The following CARF variants were observed in gnomAD, a reference collection of about 807,000 sequenced individuals.
CARF encodes calcium responsive transcription factor.
CARF carries 57 observed loss-of-function variants against 82.0 expected under a neutral mutation model. The ratio of observed to expected loss-of-function variants is 0.70; its 90% CI spans 0.56 to 0.87. The LOEUF is 0.87. CARF is among the 40% of genes least tolerant of loss of function. The probability of loss-of-function intolerance (pLI) is 0.00; values close to 1 mark genes in which losing one functional copy is unlikely to be tolerated. For synonymous variants in CARF, 268 were observed against 290.1 expected (o/e 0.92, Z 0.77); for missense variants, 771 against 855.8 (o/e 0.90, Z 1.24).
Position 202,974,415 on chromosome 2 carries a change from T to C in CARF, c.1413T>C (p.Asp471=), listed in dbSNP as rs1019590227. Residue 471 remains aspartate (D), a synonymous_variant, in exon 13 of 17, where the codon GAT becomes GAC. Coordinates refer to ENST00000438828, the MANE Select transcript of CARF (RefSeq NM_024744.17). The stretch of plus-strand genomic sequence containing the variant: ...TATCTTTTTTTCCAACTGTAAATGA[T>C]ATAAAAAATCACATCCATGAGGTAC... ...HNLSFFPTVN[D]IKNHIHEVQK... 9 of 1,611,306 alleles carry C rather than the reference T, an allele frequency of 5.6e-6. No individual in the cohort carries two copies. In the Admixed American group the frequency reaches 8.4e-5, roughly 15 times the overall value.
At chr2:202,973,998 G>C (rs2059923300) in intron 12 of CARF, among the ~76,000 whole-genome samples, 1 of 152,124 alleles carries the variant, frequency 6.6e-6, no homozygotes, top group African/African-American at 2.4e-5. Flanking sequence ...TGAGGCAGGA[G>C]AATCGCTTGA....
chr2:202,924,188 A>G (rs760129902), intron 2 of CARF, 109 bp from the exon 3 acceptor site: 24 of 152,236 alleles, frequency 1.6e-4, no homozygotes, highest in Non-Finnish European at 2.8e-4. Context: ...TTTGTCAGCT[A>G]CATGTTTTGC....
chr2:202,975,416 C>G (rs956572344), intron 13 of CARF, among the ~76,000 whole-genome samples: 2 of 151,958 alleles, frequency 1.3e-5, no homozygotes, highest in South Asian at 4.1e-4. Flanking sequence ...TGCACTCCAG[C>G]CTGGGCAACA....
rs1308254227 is a variant in CARF at position 202,952,808 on chromosome 2, G to GA, written c.427+133dup. 3 of 899,734 alleles carry GA rather than the reference G, an allele frequency of 3.3e-6. No individual in the cohort carries two copies. The East Asian group carries it at 8.4e-5, about 25-fold the overall frequency. 55.7% of individuals were successfully genotyped at this position (899,734 alleles called of 1,614,324 possible). ...TAAAAGATTATGAATTAAATAATTA[G>GA]AAAACAGCTCTTTGCCCAAATAAAT... On this transcript the variant is annotated intron_variant, in intron 6 of 16. Coordinates refer to ENST00000438828, the MANE Select transcript of CARF (RefSeq NM_024744.17).
At chr2:202,979,976 G>A (rs2060182113) in intron 14 of CARF, among the ~76,000 whole-genome samples, 1 of 152,016 alleles carries the variant, frequency 6.6e-6, no homozygotes, top group South Asian at 2.1e-4. Context: ...TTTCTGTTTT[G>A]AGACAGGGTT....
chr2:202,980,077 C>G (rs901275080), intron 14 of CARF, among the ~76,000 whole-genome samples: 1 of 152,124 alleles, frequency 6.6e-6, no homozygotes, highest in African/African-American at 2.4e-5. Context: ...CCCACCTTAG[C>G]CCCCCAAGTA....
At chr2:202,940,465 G>C (rs1182404728) in intron 3 of CARF, among the ~76,000 whole-genome samples, 1 of 152,110 alleles carries the variant, frequency 6.6e-6, no homozygotes, top group Non-Finnish European at 1.5e-5. Context: ...GGGGCTGTCT[G>C]AATCTGGTGA....
intron 5 of CARF, 99 bp from the exon 6 acceptor site, chr2:202,952,460 A>G: frequency 1.8e-6 from 2 of 1,105,208 alleles, no homozygotes; most frequent in East Asian, 2.7e-5. Flanking sequence ...AGAATCCATC[A>G]TAGAGCTAGG....
At position 202,987,487 on chromosome 2, in the gene CARF, T is replaced by C. The variant is rs2060485406; in HGVS notation, c.*3863T>C. On this transcript the variant is annotated 3_prime_UTR_variant, in exon 17 of 17. Coordinates refer to ENST00000438828, the MANE Select transcript of CARF (RefSeq NM_024744.17). ...CTTAGACATCAAACATCTTAAATGA[T>C]ACACTGTTTTAATATCTAAAAATCT... Among the ~76,000 whole-genome samples the C allele has an allele frequency of 6.6e-6, 1 of 152,196 alleles. No homozygotes were observed. Among genetic ancestry groups the C allele is most frequent in the South Asian group, 2.1e-4 (1 of 4,834 alleles).
In CARF at chr2:202,985,456, G is replaced by A. The variant is rs2060401887; in HGVS notation, c.*1832G>A. 1 of 151,888 alleles carries A rather than the reference G, an allele frequency of 6.6e-6. No individual in the cohort carries two copies. Among genetic ancestry groups the A allele is most frequent in the South Asian group, 2.1e-4 (1 of 4,826 alleles). The allele number at this position is 151,888 out of a possible 1,614,324, so 9.4% of individuals were successfully genotyped here. A position where few individuals can be genotyped will look rare whatever the true frequency, so the allele number is the denominator to read the frequency against. On this transcript the variant is annotated 3_prime_UTR_variant, in exon 17 of 17. Transcript: ENST00000438828. ...CTTTTTAATGCAAAGCTAATATTTAGTTATATGTATGATTTTTAATAAAAA... is the reference window on the plus strand; with the variant it reads ...CTTTTTAATGCAAAGCTAATATTTAATTATATGTATGATTTTTAATAAAAA...
chr2:202,915,929 G>A (rs1369531115), intron 1 of CARF, among the ~76,000 whole-genome samples: 1 of 151,894 alleles, frequency 6.6e-6, no homozygotes, highest in African/African-American at 2.4e-5. Flanking sequence ...AATTAATATA[G>A]GTTATTGTTT....
rs370742344 is a variant in CARF, at chr2:202,942,094, C to T, written c.78+114C>T. On this transcript the variant is annotated intron_variant, in intron 4 of 16. Coordinates refer to ENST00000438828, the MANE Select transcript of CARF (RefSeq NM_024744.17). ...ATTTAGTGTATTCAAGAATTTTGAG[C>T]TGGGCGTGGTGGCTGACACCTGTGA... is the stretch of plus-strand genomic sequence containing the variant. 13 of 820,430 alleles carry T rather than the reference C, an allele frequency of 1.6e-5. No individual in the cohort carries two copies. In the Admixed American group the frequency reaches 1.8e-4, roughly 11 times the overall value. The allele number at this position is 820,430 out of a possible 1,614,324, so 50.8% of individuals were successfully genotyped here.
chr2:202,942,879 T>G lies in CARF; in HGVS notation c.218T>G (p.Leu73Arg). 6.2e-7 allele frequency: 1 copy of G among 1,614,190 alleles called. No homozygotes were observed. Among genetic ancestry groups the G allele is most frequent in the Non-Finnish European group, 8.5e-7 (1 of 1,180,032 alleles). Residue 73 changes from leucine to arginine, a missense_variant, in exon 5 of 17, where the codon CTT becomes CGT. Physicochemically the swap from Leu to Arg is moderately radical, Grantham distance 102 (BLOSUM62 -2). Transcript: ENST00000438828. ...IPGPLTQTQT[L>R]SAEQFHLVDQ... ...GGGCCCCTGACTCAGACACAGACTC[T>G]TTCTGCAGAGCAATTCCATCTAGTG... is the stretch of plus-strand genomic sequence containing the variant.
chr2:202,967,164 T>C (rs954313147), intron 10 of CARF, 66 bp downstream of exon 10: 5 of 1,537,554 alleles, frequency 3.3e-6, no homozygotes, highest in Non-Finnish European at 4.4e-6. Context: ...AATACACATA[T>C]TTTTATTAGG....
At chr2:202,921,614 A>C (rs1690806231) in intron 2 of CARF, among the ~76,000 whole-genome samples, 1 of 152,202 alleles carries the variant, frequency 6.6e-6, no homozygotes, top group South Asian at 2.1e-4. Context: ...TATCTCCAGC[A>C]CATAGAACAG....
chr2:202,943,006 A>G (rs1206086925), intron 5 of CARF, 39 bp downstream of exon 5: 2 of 1,488,936 alleles, frequency 1.3e-6, no homozygotes, highest in Middle Eastern at 3.5e-4. Flanking sequence ...TATGCCGTTT[A>G]GCAAAATGTA....
chr2:202,928,228 G>T (rs1420978249), intron 3 of CARF, among the ~76,000 whole-genome samples: 2 of 152,114 alleles, frequency 1.3e-5, no homozygotes, highest in Non-Finnish European at 2.9e-5. Context: ...TGCAGTATTT[G>T]TCTTTCTGTG....
chr2:202,983,647 T>C lies in CARF; in HGVS notation c.*23T>C. ...TAAATTATTGAAGCTTTTCAGAATT[T>C]ACAACTCTGGTGACTTCTGATGTCT... On this transcript the variant is annotated 3_prime_UTR_variant, in exon 17 of 17. Transcript: ENST00000438828. The C allele has an allele frequency of 7.1e-7, 1 of 1,414,420 alleles. No homozygotes were observed. Among genetic ancestry groups the C allele is most frequent in the Non-Finnish European group, 1.0e-6 (1 of 1,003,736 alleles). 87.6% of individuals were successfully genotyped at this position (1,414,420 alleles called of 1,614,324 possible).
At chr2:202,936,152 G>T (rs992582701) in intron 3 of CARF, among the ~76,000 whole-genome samples, 2 of 151,936 alleles carry the variant, frequency 1.3e-5, no homozygotes, top group African/African-American at 4.8e-5. Context: ...TTTTTTCATG[G>T]AATGCCTGAA....
Sources: gnomAD v4.1 joint callset for allele counts (sites outside exome capture counted in the v4.1 genomes callset) on GRCh38, gnomAD v4.1.1 for gene constraint, MANE v1.5 for transcripts, NCBI Gene and HGNC (gene_info 2026-07-23, HGNC 2026-07-21) for gene names.